Variants in NACC2 observed in about 807,000 individuals in gnomAD.
NACC2 encodes the protein NACC family member 2.
A neutral mutation model predicts 25.1 loss-of-function variants in NACC2; 8 were observed. That is an observed-to-expected ratio of 0.32 (90% CI 0.19 to 0.57). The LOEUF is 0.57. NACC2 is among the 20% of genes least tolerant of loss of function. NACC2 has a pLI of 0.89. For synonymous variants in NACC2, 435 were observed against 294.7 expected (o/e 1.48, Z -4.88); for missense variants, 644 against 650.2 (o/e 0.99, Z 0.10).
chr9:136,036,518 C>T (rs967535791), intron 2 of NACC2, among the ~76,000 whole-genome samples: 10 of 152,136 alleles, frequency 6.6e-5, no homozygotes, highest in African/African-American at 2.2e-4. Context: ...CACACATACA[C>T]ATACATCTAT....
rs1259710232 is a variant in NACC2, at chr9:136,007,534, TGCACACACAGACACGCAC to T, written c.*3964_*3981del. 4 of 58,928 alleles carry T rather than the reference TGCACACACAGACACGCAC, an allele frequency of 6.8e-5. No individual in the cohort carries two copies. Among genetic ancestry groups the T allele is most frequent in the Middle Eastern group, 8.3e-3 (2 of 242 alleles). The allele number at this position is 58,928 out of a possible 1,614,324, so 3.7% of individuals were successfully genotyped here. A position where few individuals can be genotyped will look rare whatever the true frequency, so the allele number is the denominator to read the frequency against. Reference sequence around the variant, plus strand: ...ACGCGCACACACAGACGCACAGACGTGCACACACAGACACGCACACACACACAGACACGCGCACACGCA... The same window carrying T: ...ACGCGCACACACAGACGCACAGACGTACACACACAGACACGCGCACACGCA... On this transcript the variant is annotated 3_prime_UTR_variant, in exon 6 of 6. Transcript: ENST00000277554.
intron 3 of NACC2, 101 bp from the exon 4 acceptor site, chr9:136,014,070 A>G (rs1840159016): frequency 3.7e-6 from 2 of 545,748 alleles, no homozygotes; most frequent in African/African-American, 2.0e-5. Flanking sequence ...GTGGAGGGGG[A>G]GGAGGAGCTG....
At chr9:136,049,090 G>T (rs1840773916) in intron 2 of NACC2, among the ~76,000 whole-genome samples, 1 of 152,242 alleles carries the variant, frequency 6.6e-6, no homozygotes, top group Non-Finnish European at 1.5e-5. Flanking sequence ...ACCTGGGTTT[G>T]TGGGGCCCAG....
At chr9:136,027,926 T>C (rs960490691) in intron 2 of NACC2, among the ~76,000 whole-genome samples, 1 of 151,996 alleles carries the variant, frequency 6.6e-6, no homozygotes, top group East Asian at 1.9e-4. Flanking sequence ...TAATGGAAAC[T>C]CTCTAGCAAG....
At chr9:136,073,820 C>T (rs191882725) in intron 1 of NACC2, among the ~76,000 whole-genome samples, 34 of 152,276 alleles carry the variant, frequency 2.2e-4, no homozygotes, top group African/African-American at 6.3e-4. Context: ...ACTGCATTTG[C>T]GTCCAAGCAG....
chr9:136,024,541 TGTGTGA>T (rs879514774), intron 2 of NACC2, among the ~76,000 whole-genome samples: 3,314 of 140,114 alleles, frequency 0.024, 80 homozygotes, highest in Admixed American at 0.062. Flanking sequence ...GTGGACAGTG[TGTGTGA>T]GGACAGTGTG....
chr9:136,039,486 AGCATAAT>A (rs1241261468), intron 2 of NACC2, among the ~76,000 whole-genome samples: 2 of 152,256 alleles, frequency 1.3e-5, no homozygotes, highest in Non-Finnish European at 2.9e-5. Flanking sequence ...ACATAAAGCC[AGCATAAT>A]GTGGATACCA....
chr9:136,050,914 A>T (rs1237009666), intron 1 of NACC2, among the ~76,000 whole-genome samples: 1 of 151,956 alleles, frequency 6.6e-6, no homozygotes, highest in African/African-American at 2.4e-5. Flanking sequence ...CTGCCCCGGG[A>T]CAGGAGGTGG....
chr9:136,051,589 A>G (rs1224844683), intron 1 of NACC2, among the ~76,000 whole-genome samples: 3 of 148,452 alleles, frequency 2.0e-5, no homozygotes, highest in African/African-American at 7.3e-5. Context: ...CCACGGGAGG[A>G]AAGTGCGGGC....
chr9:136,050,157 T>C lies in NACC2; in HGVS notation c.365A>G (p.Lys122Arg). ...CGAGTCGCAGTGGGGCGAGCTCACCTTGAACATGAGGTCGGTGCCGCGCTC... is the reference window on the plus strand; with the variant it reads ...CGAGTCGCAGTGGGGCGAGCTCACCCTGAACATGAGGTCGGTGCCGCGCTC... ...IVERGTDLMF[K>R]VSSPHCDSQT... Residue 122 changes from lysine (K) to arginine (R), a missense_variant, in exon 2 of 6, where the codon AAG becomes AGG. Coordinates refer to ENST00000277554, the MANE Select transcript of NACC2 (RefSeq NM_144653.5). 1.3e-6 allele frequency: 1 copy of C among 769,754 alleles called. No individual in the cohort carries two copies. Among genetic ancestry groups the C allele is most frequent in the South Asian group, 1.4e-5 (1 of 73,426 alleles). The allele number at this position is 769,754 out of a possible 1,614,324, so 47.7% of individuals were successfully genotyped here.
intron 2 of NACC2, among the ~76,000 whole-genome samples, chr9:136,017,784 G>A (rs961563873): frequency 2.1e-5 from 3 of 143,872 alleles, no homozygotes; most frequent in African/African-American, 8.0e-5. Flanking sequence ...AGGGCCACCT[G>A]CCCAGTCAGC....
At position 136,049,622 on chromosome 9, in the gene NACC2, C is replaced by T. The variant is rs1278175506; in HGVS notation, c.886+14G>A. 1.3e-5 allele frequency: 10 copies of T among 770,028 alleles called. No individual in the cohort carries two copies. Among genetic ancestry groups the T allele is most frequent in the African/African-American group, 3.4e-5 (2 of 58,594 alleles). 47.7% of individuals were successfully genotyped at this position (770,028 alleles called of 1,614,324 possible). On this transcript the variant is annotated intron_variant, in intron 2 of 5. Coordinates refer to ENST00000277554, the MANE Select transcript of NACC2 (RefSeq NM_144653.5). ...CCCAGCCAGGTGGTGTGGGGCTCCA[C>T]CCCGCCGCGTTACCTGCATAGCTGC...
Position 136,022,117 on chromosome 9 carries a change from G to A in NACC2, c.887-5688C>T, listed in dbSNP as rs182790456. 4.5e-3 allele frequency among the ~76,000 whole-genome samples: 687 copies of A among 152,344 alleles called. 23 individuals carry two copies. The highest frequency in any genetic ancestry group is 1.6e-3 in the Non-Finnish European group (112 of 68,034). ...GCCCTGCACTATCTCTGCAGCTGCC[G>A]GCTTGGCACAGACCAGCTCTGGCAA... On this transcript the variant is annotated intron_variant, in intron 2 of 5. Transcript: ENST00000277554. The surrounding 1 kb of genome is among the most constrained non-coding windows in gnomAD (Gnocchi z 4.4).
chr9:136,089,470 CT>C (rs1430338600), intron 1 of NACC2, among the ~76,000 whole-genome samples: 1 of 152,028 alleles, frequency 6.6e-6, no homozygotes, highest in East Asian at 1.9e-4. Flanking sequence ...CTGCCTGAGC[CT>C]CCATGTCACC....
At chr9:136,042,731 GACACACACAGACACAGAGACAGAGAC>G (rs1271888430) in intron 2 of NACC2, among the ~76,000 whole-genome samples, 3 of 144,702 alleles carry the variant, frequency 2.1e-5, no homozygotes, top group South Asian at 4.5e-4. Context: ...CACAGACACA[GACACACACAGACACAGAGACAGAGAC>G]ACACACACAG....
chr9:136,028,025 C>G (rs557848194), intron 2 of NACC2, among the ~76,000 whole-genome samples: 72 of 152,150 alleles, frequency 4.7e-4, no homozygotes, highest in Non-Finnish European at 8.8e-4. Flanking sequence ...TTTGGGAGGC[C>G]AAGGTGGGTG....
intron 1 of NACC2, among the ~76,000 whole-genome samples, chr9:136,089,598 A>G (rs1307195503): frequency 6.7e-6 from 1 of 148,872 alleles, no homozygotes; most frequent in African/African-American, 2.5e-5. Context: ...GGCTCCCCCA[A>G]CTCATGTACC....
chr9:136,036,219 C>T (rs1336419560), intron 2 of NACC2, among the ~76,000 whole-genome samples: 5 of 152,166 alleles, frequency 3.3e-5, no homozygotes, highest in Non-Finnish European at 5.9e-5. Context: ...GTCCAAGTGG[C>T]TGATAAGCCT....
At chr9:136,090,729 C>G (rs1305341355) in intron 1 of NACC2, among the ~76,000 whole-genome samples, 1 of 152,144 alleles carries the variant, frequency 6.6e-6, no homozygotes, top group African/African-American at 2.4e-5. Flanking sequence ...TGAGGCATGA[C>G]TATGCGGAGG....
Sources: allele counts gnomAD v4.1 joint callset (sites outside exome capture counted in the v4.1 genomes callset), GRCh38; gene constraint gnomAD v4.1.1; non-coding constraint Gnocchi (gnomAD v3.1); transcripts MANE v1.5; gene names NCBI Gene and HGNC (gene_info 2026-07-23, HGNC 2026-07-21).